APOBEC1: variants seen among roughly 807,000 people sequenced by gnomAD.
The protein encoded by APOBEC1 is apolipoprotein B mRNA editing enzyme catalytic subunit 1.
A neutral mutation model predicts 26.3 loss-of-function variants in APOBEC1; 22 were observed. The observed-to-expected ratio is 0.84, with a 90% confidence interval of 0.60 to 1.19. APOBEC1 has a LOEUF of 1.19. APOBEC1 is among the 50% of genes most tolerant of loss of function. The pLI is 0.00. For synonymous variants in APOBEC1, 77 were observed against 95.3 expected (o/e 0.81, Z 1.12); for missense variants, 253 against 289.0 (o/e 0.88, Z 0.90).
Position 7,652,633 on chromosome 12 carries a change from A to G in APOBEC1, c.247T>C (p.Ser83Pro), listed in dbSNP as rs1275340923. 1 of 1,614,136 alleles carries G rather than the reference A, an allele frequency of 6.2e-7. No individual in the cohort carries two copies. The highest frequency in any genetic ancestry group is 1.3e-5 in the African/African-American group (1 of 75,054). Residue 83 changes from serine to proline, a missense_variant, in exon 3 of 5, where the codon TCC (serine) becomes CCC (proline). By Grantham distance (74) the Ser-to-Pro change is moderately conservative. Coordinates refer to ENST00000229304, the MANE Select transcript of APOBEC1 (RefSeq NM_001644.5). ...CTCCAGGACAAGAACCAGGTGATGGAGCAGCTCATGGATGGGTGAAAATCT... is the reference window on the plus strand; with the variant it reads ...CTCCAGGACAAGAACCAGGTGATGGGGCAGCTCATGGATGGGTGAAAATCT... ...ERDFHPSMSC[S>P]ITWFLSWSPC...
intron 1 of APOBEC1, among the ~76,000 whole-genome samples, chr12:7,655,705 G>C (rs61937005): frequency 6.6e-6 from 1 of 151,758 alleles, no homozygotes; most frequent in Non-Finnish European, 1.5e-5. Flanking sequence ...TATATATATA[G>C]AGAGAGAGTG....
At chr12:7,664,452 C>T (rs964686803) in intron 1 of APOBEC1, among the ~76,000 whole-genome samples, 2 of 152,202 alleles carry the variant, frequency 1.3e-5, no homozygotes, top group African/African-American at 4.8e-5. Flanking sequence ...AGTATAATAA[C>T]ACTTCAAATT....
chr12:7,649,705 A>G lies in APOBEC1; in HGVS notation c.562-9T>C. 6.3e-7 allele frequency: 1 copy of G among 1,584,908 alleles called. No homozygotes were observed. Among genetic ancestry groups the G allele is most frequent in the African/African-American group, 1.3e-5 (1 of 74,358 alleles). On this transcript the variant is annotated splice_polypyrimidine_tract_variant and intron_variant, in intron 4 of 4. Coordinates refer to ENST00000229304, the MANE Select transcript of APOBEC1 (RefSeq NM_001644.5). ...AAACAGGGTGGAAGACTCTGGAATA[A>G]AAAAGGATTATATTTAATCCTTAGG...
intron 4 of APOBEC1, among the ~76,000 whole-genome samples, chr12:7,650,748 G>T (rs956791171): frequency 3.9e-5 from 6 of 152,170 alleles, no homozygotes; most frequent in Non-Finnish European, 7.3e-5. Flanking sequence ...TTTAGAAACA[G>T]GATCTTGTTA....
chr12:7,662,828 C>A (rs1201668451), intron 1 of APOBEC1, among the ~76,000 whole-genome samples: 2 of 152,100 alleles, frequency 1.3e-5, no homozygotes, highest in African/African-American at 4.8e-5. Context: ...CAAGGAAGAG[C>A]AAGCAAGTCA....
intron 1 of APOBEC1, among the ~76,000 whole-genome samples, chr12:7,655,386 A>G (rs1863698947): frequency 6.6e-6 from 1 of 150,840 alleles, no homozygotes; most frequent in South Asian, 2.1e-4. Context: ...GTGGTGGCGC[A>G]TGCCTGTAAT....
chr12:7,651,547 G>C (rs1453809493), intron 3 of APOBEC1, among the ~76,000 whole-genome samples: 7 of 151,052 alleles, frequency 4.6e-5, no homozygotes, highest in Non-Finnish European at 1.5e-5. Flanking sequence ...CCCAGGTGGA[G>C]CTTGCAGTGA....
intron 1 of APOBEC1, among the ~76,000 whole-genome samples, chr12:7,659,325 ATATAT>A (rs1565441867): frequency 2.8e-4 from 16 of 56,164 alleles, no homozygotes; most frequent in African/African-American, 8.9e-4. Flanking sequence ...AAAAAAAAAT[ATATAT>A]ATATATATAT....
chr12:7,667,509 G>A (rs1392373200), upstream of APOBEC1, among the ~76,000 whole-genome samples: 4 of 152,146 alleles, frequency 2.6e-5, no homozygotes, highest in South Asian at 2.1e-4. Context: ...CAGGTGTTTC[G>A]ACAGGGGCAG....
At chr12:7,650,600 A>G (rs1256292343) in intron 4 of APOBEC1, among the ~76,000 whole-genome samples, 2 of 152,102 alleles carry the variant, frequency 1.3e-5, no homozygotes, top group African/African-American at 4.8e-5. Context: ...TGTTTGATAC[A>G]TAATTTTCTT....
In APOBEC1 at chr12:7,649,416, T is replaced by G; in HGVS notation, c.*131A>C. On this transcript the variant is annotated 3_prime_UTR_variant, in exon 5 of 5. Transcript: ENST00000229304. ...CACAGAAACTGCCAGAGGTAATACATATTTATTGTTGGTTTAAGCTACAGA... is the reference window on the plus strand; with the variant it reads ...CACAGAAACTGCCAGAGGTAATACAGATTTATTGTTGGTTTAAGCTACAGA... 1 of 925,474 alleles carries G rather than the reference T, an allele frequency of 1.1e-6. No homozygotes were observed. The highest frequency in any genetic ancestry group is 1.6e-6 in the Non-Finnish European group (1 of 614,096). The allele number at this position is 925,474 out of a possible 1,614,324, so 57.3% of individuals were successfully genotyped here.
At chr12:7,666,771 C>T (rs932558006), upstream of APOBEC1, among the ~76,000 whole-genome samples, 7 of 152,138 alleles carry the variant, frequency 4.6e-5, no homozygotes, top group African/African-American at 7.2e-5. Flanking sequence ...GTCCTACATC[C>T]GTGTTGGAGA....
In APOBEC1 at chr12:7,652,251, C is replaced by T. The variant is rs777000644; in HGVS notation, c.442+187G>A. On this transcript the variant is annotated intron_variant, in intron 3 of 4. Transcript: ENST00000229304. ...GGGATTATAGGCATGAGCCACCATG[C>T]GTAGCCAGGAGTTGTATTTTTGTAA... Among the ~76,000 whole-genome samples the T allele has an allele frequency of 7.2e-5, 11 of 152,274 alleles. No homozygotes were observed. The East Asian group carries it at 1.2e-3, about 16-fold the overall frequency.
chr12:7,658,349 C>A (rs1376741198), intron 1 of APOBEC1, among the ~76,000 whole-genome samples: 4 of 152,192 alleles, frequency 2.6e-5, no homozygotes, highest in Non-Finnish European at 5.9e-5. Context: ...CAGGCGTGAG[C>A]CACCGTGCCC....
At chr12:7,660,376 G>GAAGGAAGGACAGAAAGAA (rs1290120140) in intron 1 of APOBEC1, among the ~76,000 whole-genome samples, 1 of 60,980 alleles carries the variant, frequency 1.6e-5, no homozygotes, top group Non-Finnish European at 4.1e-5. Context: ...AGGAAGGAAG[G>GAAGGAAGGACAGAAAGAA]AAAGAAAGAA....
At position 7,654,590 on chromosome 12, in the gene APOBEC1, T is replaced by A. The variant is rs376031166; in HGVS notation, c.44+15A>T. ...TGATCAAATTAAATGGGCACTGTGA[T>A]AGTGTTATTCTTACCTCAGAGTGGG... On this transcript the variant is annotated intron_variant, in intron 2 of 4. Transcript: ENST00000229304. 6.2e-7 allele frequency: 1 copy of A among 1,613,168 alleles called. No homozygotes were observed. The highest frequency in any genetic ancestry group is 1.3e-5 in the African/African-American group (1 of 75,024).
In APOBEC1 at chr12:7,649,651, G is replaced by C; in HGVS notation, c.607C>G (p.Leu203Val). 1.2e-6 allele frequency: 2 copies of C among 1,613,952 alleles called. No individual in the cohort carries two copies. The highest frequency in any genetic ancestry group is 8.5e-7 in the Non-Finnish European group (1 of 1,179,814). ...LKISRRWQNH[L>V]TFFRLHLQNC... ...TGAAGATGAAGTCTGAAAAATGTAA[G>C]ATGATTTTGCCATCTTCTTGAAATC... Residue 203 changes from leucine to valine, a missense_variant, in exon 5 of 5, where the codon CTT becomes GTT. By Grantham distance (32) the Leu-to-Val change is conservative (BLOSUM62 1). Coordinates refer to ENST00000229304, the MANE Select transcript of APOBEC1 (RefSeq NM_001644.5).
At chr12:7,659,336 T>C (rs1194957264) in intron 1 of APOBEC1, among the ~76,000 whole-genome samples, 1 of 100,124 alleles carries the variant, frequency 1.0e-5, no homozygotes, top group Non-Finnish European at 2.0e-5. Flanking sequence ...TATATATATA[T>C]ATATATATAT....
At chr12:7,659,325 ATAT>A (rs1565441865) in intron 1 of APOBEC1, among the ~76,000 whole-genome samples, 38 of 56,160 alleles carry the variant, frequency 6.8e-4, no homozygotes, top group African/African-American at 9.5e-4. Flanking sequence ...AAAAAAAAAT[ATAT>A]ATATATATAT....
Sources: gnomAD v4.1 joint callset for allele counts (sites outside exome capture counted in the v4.1 genomes callset) on GRCh38, gnomAD v4.1.1 for gene constraint, MANE v1.5 for transcripts, NCBI Gene and HGNC (gene_info 2026-07-23, HGNC 2026-07-21) for gene names.